The following CACNA1S variants were observed in gnomAD, a reference collection of about 807,000 sequenced individuals.
CACNA1S encodes calcium voltage-gated channel subunit alpha1 S.
A neutral mutation model predicts 207.4 loss-of-function variants in CACNA1S; 126 were observed. The observed-to-expected ratio is 0.61, with a 90% CI of 0.53 to 0.70. CACNA1S has a LOEUF of 0.70. Ranked by LOEUF, CACNA1S falls within the 30% of genes least tolerant of loss-of-function variation. CACNA1S has a pLI of 0.00. For missense variants in CACNA1S, 2,349 were observed against 2,422.8 expected (o/e 0.97, Z 0.64); for synonymous variants, 960 against 932.7 (o/e 1.03, Z -0.53).
At chr1:201,059,087 A>T in intron 27 of CACNA1S, 102 bp downstream of exon 27, 1 of 750,926 alleles carries the variant, frequency 1.3e-6, no homozygotes, top group South Asian at 1.5e-5. Context: ...AGTGCTGGGC[A>T]AAGGAGCCCT....
At chr1:201,073,187 G>T (rs1661481845) in intron 15 of CACNA1S, among the ~76,000 whole-genome samples, 1 of 152,190 alleles carries the variant, frequency 6.6e-6, no homozygotes, top group Non-Finnish European at 1.5e-5. Context: ...TTTCAGGAAT[G>T]GTGAGCAGAG....
rs892797442 is a variant in CACNA1S, at chr1:201,099,647, G to A, written c.259-5626C>T. On this transcript the variant is annotated intron_variant, in intron 2 of 43. Transcript: ENST00000362061. ...GGTGCTTGCAGGGAGCTCAGGCTGG[G>A]GTGGAGGACAGACATCCTCAAATGT... Among the ~76,000 whole-genome samples, 96 of 152,286 alleles carry A rather than the reference G, an allele frequency of 6.3e-4. 1 individual carries two copies. Among genetic ancestry groups the A allele is most frequent in the Non-Finnish European group, 2.4e-4 (16 of 68,026 alleles).
intron 5 of CACNA1S, among the ~76,000 whole-genome samples, chr1:201,089,819 G>A (rs1465461490): frequency 6.6e-6 from 1 of 152,250 alleles, no homozygotes; most frequent in Admixed American, 6.5e-5. Flanking sequence ...GAGCAGGGCT[G>A]GAGGTGGAGG....
intron 12 of CACNA1S, 129 bp from the exon 13 acceptor site, chr1:201,075,744 G>C: frequency 9.3e-7 from 1 of 1,074,002 alleles, no homozygotes; most frequent in South Asian, 1.5e-5. Context: ...TCATTCCACA[G>C]TCTGGGTGGC....
At chr1:201,096,357 G>T (rs968528781) in intron 2 of CACNA1S, among the ~76,000 whole-genome samples, 1 of 152,244 alleles carries the variant, frequency 6.6e-6, no homozygotes, top group African/African-American at 2.4e-5. Flanking sequence ...GTCCCCTCTT[G>T]CATCATAGGA....
intron 17 of CACNA1S, 116 bp from the exon 18 acceptor site, chr1:201,069,717 G>A: frequency 7.7e-7 from 1 of 1,294,704 alleles, no homozygotes. Context: ...CCCTGGCCAG[G>A]AGAGAAGTGC....
rs757460289 is a variant in CACNA1S, at chr1:201,092,123, G to A, written c.399-9C>T. 6.2e-7 allele frequency: 1 copy of A among 1,613,986 alleles called. No homozygotes were observed. On this transcript the variant is annotated splice_polypyrimidine_tract_variant and intron_variant, in intron 3 of 43. Coordinates refer to ENST00000362061, the MANE Select transcript of CACNA1S (RefSeq NM_000069.3). ...GAATCACGGTGAAGACCCTAGAATG[G>A]AGAAGAGGGAGAGAGGGGGTCCAGG...
intron 6 of CACNA1S, among the ~76,000 whole-genome samples, 174 bp from the exon 7 acceptor site, chr1:201,088,103 G>A (rs1662098285): frequency 6.6e-6 from 1 of 152,148 alleles, no homozygotes; most frequent in South Asian, 2.1e-4. Flanking sequence ...TCCAGCCTGA[G>A]GACTAGGATC....
At chr1:201,100,483 G>C (rs529306340) in intron 2 of CACNA1S, among the ~76,000 whole-genome samples, 1 of 152,218 alleles carries the variant, frequency 6.6e-6, no homozygotes, top group Non-Finnish European at 1.5e-5. Flanking sequence ...CCCAACGAAC[G>C]CTCACCCAAA....
At chr1:201,074,752 C>G in intron 13 of CACNA1S, 132 bp from the exon 14 acceptor site, 1 of 720,800 alleles carries the variant, frequency 1.4e-6, no homozygotes, top group Non-Finnish European at 2.5e-6. Flanking sequence ...GGTGTGGATC[C>G]AGGGACATAG....
chr1:201,074,580 G>A lies in CACNA1S; in HGVS notation c.1989C>T (p.Asn663=), dbSNP rs1661539496. The A allele has an allele frequency of 1.2e-6, 2 of 1,613,924 alleles. No individual in the cohort carries two copies. The highest frequency in any genetic ancestry group is 1.7e-6 in the Non-Finnish European group (2 of 1,179,852). The change falls in exon 14 of 44, where the codon AAC becomes AAT. Residue 663 remains asparagine (N), a synonymous_variant. Transcript: ENST00000362061. ...LNVFLAIAVD[N]LAEAESLTSA... is the part of the protein sequence containing the mutation. ...AAGTCAGGCTCTCCGCCTCGGCCAG[G>A]TTGTCCACGGCAATGGCCAGGAAGA... is the stretch of plus-strand genomic sequence containing the variant.
intron 37 of CACNA1S, 36 bp from the exon 38 acceptor site, chr1:201,047,275 A>G: frequency 6.2e-7 from 1 of 1,613,968 alleles, no homozygotes; most frequent in Non-Finnish European, 8.5e-7. Flanking sequence ...CCTGAAGGCT[A>G]GTGGGAATCT....
intron 22 of CACNA1S, 21 bp from the exon 23 acceptor site, chr1:201,062,535 G>A (rs1440374543): frequency 3.8e-6 from 6 of 1,596,056 alleles, no homozygotes; most frequent in Non-Finnish European, 5.2e-6. Flanking sequence ...GAAGAGGGAG[G>A]GAGGGAGGGA....
At chr1:201,055,728 A>T (rs1558059281) in intron 28 of CACNA1S, among the ~76,000 whole-genome samples, 1 of 152,124 alleles carries the variant, frequency 6.6e-6, no homozygotes, top group Non-Finnish European at 1.5e-5. Context: ...CCTGGTTTGT[A>T]CATCAGGTAT....
At chr1:201,109,432 T>C (rs1357980079) in intron 2 of CACNA1S, among the ~76,000 whole-genome samples, 7 of 152,144 alleles carry the variant, frequency 4.6e-5, no homozygotes, top group African/African-American at 1.4e-4. Flanking sequence ...AATAATACAA[T>C]AATGTAAAAT....
chr1:201,092,244 G>A, intron 3 of CACNA1S, 130 bp from the exon 4 acceptor site: 1 of 885,842 alleles, frequency 1.1e-6, no homozygotes, highest in Non-Finnish European at 1.8e-6. Context: ...GGCAAATACG[G>A]GTGCATCAAC....
intron 2 of CACNA1S, among the ~76,000 whole-genome samples, chr1:201,105,799 T>C (rs10920119): frequency 0.54 from 82,121 of 151,788 alleles, 24,209 homozygotes; most frequent in African/African-American, 0.78. Flanking sequence ...CAGCCAGTGC[T>C]GGCAGAAGGG....
Position 201,066,270 on chromosome 1 carries a change from G to A in CACNA1S, c.2704C>T (p.Leu902Phe), listed in dbSNP as rs1384751634. The A allele has an allele frequency of 6.2e-7, 1 of 1,613,170 alleles. No homozygotes were observed. Among genetic ancestry groups the A allele is most frequent in the Admixed American group, 1.7e-5 (1 of 60,008 alleles). ...VVKILRVLRV[L>F]RPLRAINRAK... ...CTGTTGATGGCTCTGAGTGGTCGGA[G>A]CACCCTCAGCACCCTCAGGATCTTC... The change falls in exon 21 of 44, where the codon CTC becomes TTC. Residue 902 changes from leucine (L) to phenylalanine (F), a missense_variant. Physicochemically the swap from Leu to Phe is conservative, Grantham distance 22 (BLOSUM62 0). Transcript: ENST00000362061. This position sits in a 1 kb window ranked among gnomAD's most constrained non-coding sequence, Gnocchi z 4.3.
intron 11 of CACNA1S, among the ~76,000 whole-genome samples, chr1:201,077,345 T>C (rs1230989487): frequency 1.3e-5 from 2 of 152,230 alleles, no homozygotes; most frequent in Non-Finnish European, 2.9e-5. Context: ...AATATGACTA[T>C]TGATTAACTT....
Sources: gnomAD v4.1 joint callset for allele counts (sites outside exome capture counted in the v4.1 genomes callset) on GRCh38, gnomAD v4.1.1 for gene constraint, Gnocchi (gnomAD v3.1) non-coding constraint, MANE v1.5 for transcripts, NCBI Gene and HGNC (gene_info 2026-07-23, HGNC 2026-07-21) for gene names.